Variants in IL4I1 observed in about 807,000 individuals in gnomAD.
IL4I1 encodes L-amino-acid oxidase.
Under a neutral mutation model 29.7 loss-of-function variants are expected in IL4I1, and 24 were observed. The ratio of observed to expected loss-of-function variants is 0.81; its 90% CI spans 0.59 to 1.14. The LOEUF (loss-of-function observed/expected upper bound fraction) is 1.14, where lower values mean the gene tolerates loss of function less well. IL4I1 is among the 50% of genes most tolerant of loss of function. IL4I1 has a pLI of 0.00. For synonymous variants in IL4I1, 371 were observed against 352.5 expected (o/e 1.05, Z -0.59); for missense variants, 686 against 785.6 (o/e 0.87, Z 1.52).
intron 2 of IL4I1, chr19:49,909,392 C>T: frequency 6.2e-7 from 1 of 1,613,762 alleles, no homozygotes; most frequent in Non-Finnish European, 8.5e-7. Flanking sequence ...AAACACAAAG[C>T]CGGTGGGTGC....
Position 49,890,588 on chromosome 19 carries a change from G to T in IL4I1, c.786C>A (p.Ile262=), listed in dbSNP as rs760660511. Residue 262 remains isoleucine (I), a synonymous_variant, in exon 8 of 8, where the codon ATC becomes ATA. Coordinates refer to ENST00000391826, the MANE Select transcript of IL4I1 (RefSeq NM_152899.2). ...CLSDRLQYSR[I]VGGWDLLPRA... ...GCGGCAGCAGGTCCCAGCCACCCACGATGCGGCTGTACCTGCAGGCGGGGC... is the reference window on the plus strand; with the variant it reads ...GCGGCAGCAGGTCCCAGCCACCCACTATGCGGCTGTACCTGCAGGCGGGGC... 31 of 1,566,330 alleles carry T rather than the reference G, an allele frequency of 2.0e-5. No individual in the cohort carries two copies. Among genetic ancestry groups the T allele is most frequent in the Non-Finnish European group, 2.6e-5 (30 of 1,160,224 alleles).
Position 49,908,390 on chromosome 19 carries a change from T to A in IL4I1, c.-227-4069A>T, listed in dbSNP as rs1276909669. The A allele has an allele frequency of 5.0e-6, 8 of 1,614,106 alleles. No individual in the cohort carries two copies. Among genetic ancestry groups the A allele is most frequent in the Non-Finnish European group, 5.9e-6 (7 of 1,180,048 alleles). The stretch of plus-strand genomic sequence containing the variant: ...GTGCGCATTGAGGATCTTGCAGATC[T>A]GCTGCAGTGGGTCACTGGTGTCGGC... On this transcript the variant is annotated intron_variant, in intron 2 of 9. Transcript: ENST00000341114.
intron 2 of IL4I1, chr19:49,908,046 T>C (rs2075362637): frequency 1.6e-6 from 2 of 1,248,888 alleles, no homozygotes; most frequent in Non-Finnish European, 2.2e-6. Context: ...ATGAGGCTGC[T>C]GCCTGGGCAG....
upstream of IL4I1, among the ~76,000 whole-genome samples, chr19:49,897,783 G>A (rs905386868): frequency 4.6e-5 from 7 of 152,036 alleles, no homozygotes; most frequent in Non-Finnish European, 8.8e-5. Flanking sequence ...CAGGGGCTCC[G>A]TGAGGAGGAA....
intron 2 of IL4I1, among the ~76,000 whole-genome samples, chr19:49,922,894 C>T (rs2075798192): frequency 6.6e-6 from 1 of 152,064 alleles, no homozygotes; most frequent in African/African-American, 2.4e-5. Flanking sequence ...CAGGCCTCTT[C>T]CCATGTCAAC....
intron 2 of IL4I1, among the ~76,000 whole-genome samples, chr19:49,906,508 A>T (rs561356689): frequency 2.0e-5 from 3 of 152,266 alleles, no homozygotes. Flanking sequence ...CACCTCGCCC[A>T]GCCATATTTG....
In IL4I1 at chr19:49,890,723, CCT is replaced by C. The variant is rs2075124014; in HGVS notation, c.774-125_774-124del. On this transcript the variant is annotated intron_variant, in intron 7 of 7. Transcript: ENST00000391826. The stretch of plus-strand genomic sequence containing the variant: ...CACCGGCCCGCTCCCCCGTCATCCA[CCT>C]CTCCCGACCCCGCCCGTCCCTGACA... The C allele has an allele frequency of 4.3e-6, 4 of 940,394 alleles. No individual in the cohort carries two copies. In the African/African-American group the frequency reaches 5.1e-5, roughly 12 times the overall value. 58.3% of individuals were successfully genotyped at this position (940,394 alleles called of 1,614,324 possible).
intron 2 of IL4I1, among the ~76,000 whole-genome samples, chr19:49,927,261 C>A (rs1223659045): frequency 6.6e-6 from 1 of 152,088 alleles, no homozygotes; most frequent in Non-Finnish European, 1.5e-5. Flanking sequence ...GGGGTGCAGT[C>A]AAGTTTTGAA....
chr19:49,894,408 TGTC>T lies in IL4I1; in HGVS notation c.424_426del (p.Asp142del), dbSNP rs764939605. 119 of 1,614,160 alleles carry T rather than the reference TGTC, an allele frequency of 7.4e-5. No homozygotes were observed. The highest frequency in any genetic ancestry group is 1.0e-4 in the Non-Finnish European group (119 of 1,180,012). On this transcript the variant is annotated inframe_deletion, in exon 5 of 8. Coordinates refer to ENST00000391826, the MANE Select transcript of IL4I1 (RefSeq NM_152899.2). The stretch of plus-strand genomic sequence containing the variant: ...TCGTGCACCTCCGTCCACGTGTTCT[TGTC>T]GTACTGGGTGAACTTGGTCAGGTTG...
chr19:49,909,859 C>CG, intron 2 of IL4I1: 3 of 1,580,970 alleles, frequency 1.9e-6, no homozygotes, highest in Non-Finnish European at 8.7e-7. Context: ...GCAAATCCGT[C>CG]GGTGTCTGCA....
At chr19:49,891,135 G>C (rs1161564553) in intron 6 of IL4I1, 28 bp from the exon 7 acceptor site, 2 of 1,605,702 alleles carry the variant, frequency 1.2e-6, no homozygotes, top group South Asian at 1.1e-5. Context: ...GCCGAGGTTA[G>C]GGCCCAGGCA....
Position 49,891,033 on chromosome 19 carries a change from G to T in IL4I1, c.711C>A (p.Gly237=). 1 of 1,607,136 alleles carries T rather than the reference G, an allele frequency of 6.2e-7. No individual in the cohort carries two copies. Among genetic ancestry groups the T allele is most frequent in the Non-Finnish European group, 8.5e-7 (1 of 1,177,480 alleles). Residue 237 remains glycine (G), a synonymous_variant, in exon 7 of 8, where the codon GGC becomes GGA. Transcript: ENST00000391826. ...QLLGDVMSED[G]FFYLSFAEAL... is the part of the protein sequence containing the mutation. ...CCTCGGCGAAGCTGAGATAGAAGAA[G>T]CCATCCTCGGACATCACGTCTCCCA...
chr19:49,908,585 C>T (rs2075376420), intron 2 of IL4I1: 1 of 1,614,130 alleles, frequency 6.2e-7, no homozygotes. Flanking sequence ...CTCCAGTGGG[C>T]TCAGCAGGTC....
rs60421019 is a variant in IL4I1, at chr19:49,905,333, T to C, written c.-227-1012A>G. On this transcript the variant is annotated intron_variant, in intron 2 of 9. Transcript: ENST00000341114. ...ACCAGATCAGGATCAGCTCTAAAAA[T>C]GGATGCTGAACGCACAAATGTAGGT... 2.1e-3 allele frequency among the ~76,000 whole-genome samples: 323 copies of C among 152,342 alleles called. 2 individuals carry two copies. The highest frequency in any genetic ancestry group is 7.4e-3 in the African/African-American group (306 of 41,590).
chr19:49,898,784 G>A (rs901185956), upstream of IL4I1, among the ~76,000 whole-genome samples: 2 of 152,148 alleles, frequency 1.3e-5, no homozygotes, highest in African/African-American at 2.4e-5. Context: ...CAGGAGAATC[G>A]CTTGAACCCG....
intron 2 of IL4I1, among the ~76,000 whole-genome samples, chr19:49,906,248 G>T (rs772995229): frequency 1.3e-5 from 2 of 152,062 alleles, no homozygotes; most frequent in Non-Finnish European, 2.9e-5. Context: ...TTGCTCTGTC[G>T]CCCAGGCTGG....
rs768761359 is a variant in IL4I1, at chr19:49,894,418, G to C, written c.417C>G (p.Thr139=). 1.9e-6 allele frequency: 3 copies of C among 1,614,178 alleles called. No individual in the cohort carries two copies. The highest frequency in any genetic ancestry group is 2.5e-6 in the Non-Finnish European group (3 of 1,180,032). Residue 139 remains threonine (T), a synonymous_variant, in exon 5 of 8, where the codon ACC becomes ACG. Transcript: ENST00000391826. The part of the protein sequence containing the change: ...QGLGLNLTKF[T]QYDKNTWTEV... ...CCGTCCACGTGTTCTTGTCGTACTG[G>C]GTGAACTTGGTCAGGTTGAGCCCCA...
At chr19:49,913,717 CTG>C (rs1414447207) in intron 2 of IL4I1, among the ~76,000 whole-genome samples, 2 of 152,224 alleles carry the variant, frequency 1.3e-5, no homozygotes, top group Non-Finnish European at 2.9e-5. Flanking sequence ...GTGACCGTGA[CTG>C]TGAGTAGAAA....
intron 2 of IL4I1, among the ~76,000 whole-genome samples, chr19:49,914,386 G>C (rs568440931): frequency 6.6e-6 from 1 of 152,130 alleles, no homozygotes; most frequent in Non-Finnish European, 1.5e-5. Context: ...CTCAGGGCTG[G>C]GTGGCTGTGA....
Sources: gnomAD v4.1 joint callset for allele counts (sites outside exome capture counted in the v4.1 genomes callset) on GRCh38, gnomAD v4.1.1 for gene constraint, MANE v1.5 for transcripts, NCBI Gene and HGNC (gene_info 2026-07-23, HGNC 2026-07-21) for gene names.